Variants in ANK2 observed in about 807,000 individuals in gnomAD.
ANK2 encodes ankyrin-2.
In ANK2, 83 loss-of-function variants were observed where a neutral mutation model predicts 360.5. That is an observed-to-expected ratio of 0.23 (90% CI 0.19 to 0.28). The LOEUF (loss-of-function observed/expected upper bound fraction) is 0.28. Among genes scored for constraint, ANK2 ranks in the 10% least tolerant of loss-of-function variants. The pLI is 1.00. For missense variants in ANK2, 4,201 were observed against 4,795.7 expected (o/e 0.88, Z 3.66); for synonymous variants, 1,740 against 1,759.5 (o/e 0.99, Z 0.28).
chr4:113,141,121 G>A (rs906351290), intron 1 of ANK2: 5 of 152,212 alleles, frequency 3.3e-5, no homozygotes, highest in African/African-American at 7.2e-5. Context: ...GTTTCCAGGC[G>A]ACAGTTAGTT....
At chr4:113,229,218 C>A (rs1287485255) in intron 4 of ANK2, among the ~76,000 whole-genome samples, 1 of 152,214 alleles carries the variant, frequency 6.6e-6, no homozygotes, top group Non-Finnish European at 1.5e-5. Context: ...GGAAATTAGT[C>A]TTACAGAACT....
Position 112,935,008 on chromosome 4 carries a change from G to A in ANK2, c.21+30494G>A, listed in dbSNP as rs576032572. 4.6e-5 allele frequency among the ~76,000 whole-genome samples: 7 copies of A among 152,240 alleles called. No homozygotes were observed. The South Asian group carries it at 1.5e-3, about 32-fold the overall frequency. On this transcript the variant is annotated intron_variant, in intron 2 of 30. Coordinates refer to the ANK2 transcript ENST00000503271. ...ATCTTCCATATTTAGGGAACAATGG[G>A]GGACAAAGTCCTCAGGTGAGAACGT...
chr4:112,799,173 G>A, the ANK2 span, among the ~76,000 whole-genome samples: 4 of 152,248 alleles, frequency 2.6e-5, no homozygotes, highest in Admixed American at 1.3e-4. Context: ...GCTAAATAAC[G>A]TTCCATTGTA....
chr4:112,868,706 T>C (rs945578388), intron 1 of ANK2, among the ~76,000 whole-genome samples: 1 of 152,170 alleles, frequency 6.6e-6, no homozygotes, highest in African/African-American at 2.4e-5. Flanking sequence ...ATTTAAAAAA[T>C]TAGGGTATAA....
At chr4:112,889,082 C>T (rs2079197731) in intron 1 of ANK2, among the ~76,000 whole-genome samples, 1 of 152,142 alleles carries the variant, frequency 6.6e-6, no homozygotes, top group Admixed American at 6.5e-5. Context: ...TCTAGTTTCT[C>T]TATAAATGAC....
intron 2 of ANK2, among the ~76,000 whole-genome samples, chr4:112,906,684 G>A (rs1190084966): frequency 3.3e-5 from 5 of 152,130 alleles, no homozygotes; most frequent in South Asian, 4.1e-4. Flanking sequence ...AAAATTGAAG[G>A]GGATGTCAAG....
the ANK2 span, among the ~76,000 whole-genome samples, chr4:112,784,519 A>G: frequency 5.3e-5 from 8 of 151,702 alleles, no homozygotes; most frequent in South Asian, 1.7e-3. Context: ...AATTTTTTGT[A>G]TTTGTAGTAG....
At chr4:113,189,833 C>T (rs1584403287) in intron 2 of ANK2, among the ~76,000 whole-genome samples, 1 of 152,228 alleles carries the variant, frequency 6.6e-6, no homozygotes, top group East Asian at 1.9e-4. Flanking sequence ...CCCCTGCTTG[C>T]CAACCTTGAT....
chr4:113,345,093 A>T (rs2094690247), intron 34 of ANK2, among the ~76,000 whole-genome samples: 1 of 152,188 alleles, frequency 6.6e-6, no homozygotes, highest in African/African-American at 2.4e-5. Context: ...TTTATGTTAC[A>T]TATATTTATC....
chr4:113,379,129 T>C (rs1274479622), intron 45 of ANK2, among the ~76,000 whole-genome samples: 1 of 152,202 alleles, frequency 6.6e-6, no homozygotes, highest in Admixed American at 6.5e-5. Flanking sequence ...TAAAAGAGTG[T>C]AATTGCTCTC....
chr4:112,933,220 G>A (rs1279065217), intron 2 of ANK2, among the ~76,000 whole-genome samples: 4 of 152,112 alleles, frequency 2.6e-5, no homozygotes, highest in Non-Finnish European at 4.4e-5. Context: ...ATACTTTAGC[G>A]AAGTATTAAA....
At chr4:113,162,894 C>A (rs2097585309) in intron 1 of ANK2, among the ~76,000 whole-genome samples, 1 of 152,082 alleles carries the variant, frequency 6.6e-6, no homozygotes. Context: ...CTAAATAACT[C>A]ATTGTTAAGG....
intron 2 of ANK2, among the ~76,000 whole-genome samples, chr4:112,948,331 T>C (rs567852874): frequency 6.6e-6 from 1 of 152,362 alleles, no homozygotes; most frequent in African/African-American, 2.4e-5. Flanking sequence ...GTCTGCTTTC[T>C]ACATATCATT....
At chr4:112,941,160 G>C (rs185994128) in intron 2 of ANK2, among the ~76,000 whole-genome samples, 3 of 151,580 alleles carry the variant, frequency 2.0e-5, no homozygotes, top group Admixed American at 6.6e-5. Flanking sequence ...ATGAGAAAAT[G>C]TTCATGTTAT....
chr4:113,335,912 A>G lies in ANK2; in HGVS notation c.3446A>G (p.Gln1149Arg), dbSNP rs1226848625. 6.2e-7 allele frequency: 1 copy of G among 1,614,214 alleles called. No homozygotes were observed. The highest frequency in any genetic ancestry group is 8.5e-7 in the Non-Finnish European group (1 of 1,180,028). The change falls in exon 30 of 46, where the codon CAG becomes CGG. Residue 1149 changes from glutamine (Q) to arginine (R), a missense_variant. Gln to Arg is a conservative substitution (Grantham distance 43, BLOSUM62 1). Around this residue, in one of 4 missense-constraint regions of ANK2, gnomAD observed 1,268 missense variants for 1,650.8 expected, o/e 0.77. Transcript: ENST00000357077. Reference sequence around the variant, plus strand: ...CGCATCATCACCCGAGACTTCCCACAGTACTTTGCAGTGGTGTCTCGTATC... The same window carrying G: ...CGCATCATCACCCGAGACTTCCCACGGTACTTTGCAGTGGTGTCTCGTATC... ...ICRIITRDFPQYFAVVSRIKQ... is the reference protein window; with the variant it reads ...ICRIITRDFPRYFAVVSRIKQ...
chr4:113,016,570 G>A (rs541192211), intron 2 of ANK2, among the ~76,000 whole-genome samples: 1 of 152,112 alleles, frequency 6.6e-6, no homozygotes, highest in Non-Finnish European at 1.5e-5. Context: ...GGGCTAAAAA[G>A]CTGATGAAGG....
At chr4:113,141,295 G>GTTTCA (rs1562359269) in intron 1 of ANK2, 4 of 152,186 alleles carry the variant, frequency 2.6e-5, no homozygotes, top group African/African-American at 7.2e-5. Context: ...CTGTGAGTCT[G>GTTTCA]TCAGGGAAAC....
At chr4:113,361,959 T>G (rs895832793) in intron 39 of ANK2, among the ~76,000 whole-genome samples, 1 of 152,186 alleles carries the variant, frequency 6.6e-6, no homozygotes, top group Admixed American at 6.5e-5. Flanking sequence ...CTCTCACACC[T>G]ACTTCTATCT....
chr4:112,973,090 G>A (rs544320965), intron 2 of ANK2, among the ~76,000 whole-genome samples: 2 of 151,752 alleles, frequency 1.3e-5, no homozygotes, highest in East Asian at 1.9e-4. Context: ...TGGGTGATAG[G>A]TGCTTTCAAA....
Sources: allele counts gnomAD v4.1 joint callset (sites outside exome capture counted in the v4.1 genomes callset), GRCh38; gene constraint gnomAD v4.1.1; regional missense constraint gnomAD v4.1.1; transcripts MANE v1.5; gene names NCBI Gene and HGNC (gene_info 2026-07-23, HGNC 2026-07-21).